OPRM1: variants seen among roughly 807,000 people sequenced by gnomAD.
The protein encoded by OPRM1 is opioid receptor mu 1.
A neutral mutation model predicts 31.8 loss-of-function variants in OPRM1; 27 were observed. That is an observed-to-expected ratio of 0.85 (90% CI 0.63 to 1.17). OPRM1 has a LOEUF of 1.17. Ranked by LOEUF, OPRM1 falls within the 50% of genes most tolerant of loss-of-function variation. OPRM1 has a pLI of 0.00. For missense variants in OPRM1, 536 were observed against 511.1 expected, an observed-to-expected ratio of 1.05 and a Z score of -0.47; for synonymous variants, 196 against 189.9, an observed-to-expected ratio of 1.03 and a Z score of -0.26.
intron 3 of OPRM1, among the ~76,000 whole-genome samples, chr6:154,105,686 C>T (rs1331191661): frequency 6.6e-6 from 1 of 152,190 alleles, no homozygotes; most frequent in African/African-American, 2.4e-5. Context: ...AAATAACATA[C>T]ACTAAGTCAT....
rs908288790 is a variant in OPRM1, at chr6:154,120,675, A to G, written c.*1954A>G. 6.6e-6 allele frequency among the ~76,000 whole-genome samples: 1 copy of G among 152,176 alleles called. No homozygotes were observed. The highest frequency in any genetic ancestry group is 1.5e-5 in the Non-Finnish European group (1 of 68,012). On this transcript the variant is annotated 3_prime_UTR_variant, in exon 4 of 4. Coordinates refer to ENST00000330432, the MANE Select transcript of OPRM1 (RefSeq NM_000914.5). ...TGTATGTAAATAACTGAGGAGGAAAATCCATGCTTTTCATGGGCTAGGATG... is the reference window on the plus strand; with the variant it reads ...TGTATGTAAATAACTGAGGAGGAAAGTCCATGCTTTTCATGGGCTAGGATG...
chr6:154,039,924 G>A (rs1779705059), intron 1 of OPRM1, 90 bp downstream of exon 1: 8 of 1,253,540 alleles, frequency 6.4e-6, no homozygotes, highest in Admixed American at 5.1e-5. Flanking sequence ...AATGTTGGGC[G>A]GGAGGATGAA....
intron 1 of OPRM1, among the ~76,000 whole-genome samples, chr6:154,075,577 G>A (rs536147474): frequency 2.0e-5 from 3 of 151,748 alleles, no homozygotes; most frequent in South Asian, 2.1e-4. Context: ...TCAGCCTCCC[G>A]AAGAGCTGGG....
At chr6:154,086,442 T>C in intron 1 of OPRM1, 1 of 352,676 alleles carries the variant, frequency 2.8e-6, no homozygotes. Context: ...GGTAAATTGA[T>C]GATAAAATTA....
rs572259760 is a variant in OPRM1 at position 154,210,613 on chromosome 6, T to C, written c.1165-36080T>C. Among the ~76,000 whole-genome samples, 52 of 152,324 alleles carry C rather than the reference T, an allele frequency of 3.4e-4. No homozygotes were observed. The South Asian group carries it at 9.9e-3, about 29-fold the overall frequency. The stretch of plus-strand genomic sequence containing the variant: ...AACATTGTAAGGTCTGAAGATATCA[T>C]TAAGTTTGAAAGATATAAAGAAAAT... On this transcript the variant is annotated intron_variant, in intron 3 of 3. Coordinates refer to the OPRM1 transcript ENST00000337049.
intron 3 of OPRM1, among the ~76,000 whole-genome samples, chr6:154,100,545 G>A (rs1794682153): frequency 6.6e-6 from 1 of 151,696 alleles, no homozygotes; most frequent in African/African-American, 2.4e-5. Context: ...ATCATTATCA[G>A]ATACCAAATA....
At position 154,119,527 on chromosome 6, in the gene OPRM1, A is replaced by C; in HGVS notation, c.*806A>C. 4 of 720,210 alleles carry C rather than the reference A, an allele frequency of 5.6e-6. No individual in the cohort carries two copies. The highest frequency in any genetic ancestry group is 1.3e-4 in the East Asian group (1 of 7,606). The allele number at this position is 720,210 out of a possible 1,614,324, so 44.6% of individuals were successfully genotyped here. A position where few individuals can be genotyped will look rare whatever the true frequency, so the allele number is the denominator to read the frequency against. On this transcript the variant is annotated 3_prime_UTR_variant, in exon 4 of 4. Transcript: ENST00000330432. Reference sequence around the variant, plus strand: ...ACAAAAGGTAATAGTCAATGAGCTCATCACTTCATCCATGCAGGAAGTCAA... The same window carrying C: ...ACAAAAGGTAATAGTCAATGAGCTCCTCACTTCATCCATGCAGGAAGTCAA...
intron 3 of OPRM1, among the ~76,000 whole-genome samples, chr6:154,144,705 G>A (rs1798313976): frequency 1.5e-5 from 2 of 135,608 alleles, no homozygotes; most frequent in African/African-American, 2.8e-5. Flanking sequence ...CCGAGATCGC[G>A]CCATTGCACT....
intron 3 of OPRM1, among the ~76,000 whole-genome samples, chr6:154,184,678 A>AT (rs915890857): frequency 2.6e-5 from 4 of 152,182 alleles, no homozygotes; most frequent in Non-Finnish European, 4.4e-5. Flanking sequence ...AGTACAATAT[A>AT]TTTTTTTCGA....
rs1799841437 is a variant in OPRM1, at chr6:154,171,171, C to T, written c.1165-75522C>T. On this transcript the variant is annotated intron_variant, in intron 3 of 3. Coordinates refer to the OPRM1 transcript ENST00000337049. ...CACACAAAAATTGTACATGAATGTT[C>T]ACGGCAGCATTATTCATAACAGACT... 2.0e-5 allele frequency among the ~76,000 whole-genome samples: 3 copies of T among 152,114 alleles called. No homozygotes were observed. In the South Asian group the frequency reaches 6.2e-4, roughly 32 times the overall value.
intron 3 of OPRM1, among the ~76,000 whole-genome samples, chr6:154,209,071 T>G (rs754352410): frequency 9.9e-5 from 15 of 152,202 alleles, no homozygotes; most frequent in Non-Finnish European, 1.9e-4. Flanking sequence ...TTCAGCCCAT[T>G]AGAAGCAGAA....
Position 154,153,332 on chromosome 6 carries a change from C to T in OPRM1, c.1164+61860C>T, listed in dbSNP as rs572832546. Reference sequence around the variant, plus strand: ...GGAATTTAGGCTGCAAATCAACTGACCTTCAAATAGATTCACCTGGATTAT... The same window carrying T: ...GGAATTTAGGCTGCAAATCAACTGATCTTCAAATAGATTCACCTGGATTAT... On this transcript the variant is annotated intron_variant, in intron 3 of 3. Transcript: ENST00000337049. Among the ~76,000 whole-genome samples the T allele has an allele frequency of 2.0e-5, 3 of 152,194 alleles. No homozygotes were observed. In the South Asian group the frequency reaches 6.2e-4, roughly 32 times the overall value.
chr6:154,042,018 G>T (rs1446019443), intron 1 of OPRM1, among the ~76,000 whole-genome samples: 1 of 152,128 alleles, frequency 6.6e-6, no homozygotes, highest in Non-Finnish European at 1.5e-5. Context: ...GCCTCTTGTT[G>T]ACTTGGAGAA....
intron 1 of OPRM1, among the ~76,000 whole-genome samples, chr6:154,031,767 T>A (rs1212653487): frequency 2.6e-5 from 4 of 151,720 alleles, no homozygotes; most frequent in South Asian, 2.1e-4. Context: ...AAAAATAAAA[T>A]GTTTATTAAA....
At chr6:154,180,720 T>C (rs1411262360) in intron 3 of OPRM1, among the ~76,000 whole-genome samples, 1 of 152,172 alleles carries the variant, frequency 6.6e-6, no homozygotes, top group Non-Finnish European at 1.5e-5. Context: ...AATGTGGCTG[T>C]TTATTTTCTA....
chr6:154,187,691 C>T (rs544729843), intron 3 of OPRM1, among the ~76,000 whole-genome samples: 3 of 152,162 alleles, frequency 2.0e-5, no homozygotes, highest in Non-Finnish European at 4.4e-5. Context: ...CAGAATTATT[C>T]TTAGGTATTA....
chr6:154,140,516 G>T (rs558303552), intron 3 of OPRM1, among the ~76,000 whole-genome samples: 69 of 152,154 alleles, frequency 4.5e-4, no homozygotes, highest in African/African-American at 1.6e-3. Flanking sequence ...TTTTAGTTGA[G>T]ACAGGGTTTC....
Position 154,138,672 on chromosome 6 carries a change from C to T in OPRM1, c.1164+47200C>T, listed in dbSNP as rs541614458. On this transcript the variant is annotated intron_variant, in intron 3 of 3. Transcript: ENST00000337049. ...TGTTAATTCCTGGGCATAGGCTGAA[C>T]CAACTTTGGGAGGAACTTAGTTTAG... Among the ~76,000 whole-genome samples the T allele has an allele frequency of 2.6e-5, 4 of 152,322 alleles. No homozygotes were observed. The South Asian group carries it at 6.2e-4, about 24-fold the overall frequency.
At chr6:154,061,079 A>T (rs1390481692) in intron 1 of OPRM1, among the ~76,000 whole-genome samples, 1 of 152,186 alleles carries the variant, frequency 6.6e-6, no homozygotes, top group Non-Finnish European at 1.5e-5. Context: ...AACTAGATAC[A>T]TGGCAGGCTA....
Sources: gnomAD v4.1 joint callset for allele counts (sites outside exome capture counted in the v4.1 genomes callset) on GRCh38, gnomAD v4.1.1 for gene constraint, MANE v1.5 for transcripts, NCBI Gene and HGNC (gene_info 2026-07-23, HGNC 2026-07-21) for gene names.